GTF2F2: variants seen among roughly 807,000 people sequenced by gnomAD.
GTF2F2 encodes the protein general transcription factor IIF subunit 2, also known as ATP-dependent helicase GTF2F2.
In GTF2F2, 23 loss-of-function variants were observed where a neutral mutation model predicts 42.2. The observed-to-expected ratio is 0.55, with a 90% CI of 0.39 to 0.77. The LOEUF (loss-of-function observed/expected upper bound fraction) is 0.77, where lower values mean the gene tolerates loss of function less well. Ranked by LOEUF, GTF2F2 falls within the 30% of genes least tolerant of loss-of-function variation. The probability of loss-of-function intolerance (pLI) is 0.00; values close to 1 mark genes in which losing one functional copy is unlikely to be tolerated. For missense variants in GTF2F2, 261 were observed against 287.2 expected, an observed-to-expected ratio of 0.91 and a Z score of 0.66; for synonymous variants, 105 against 100.8, an observed-to-expected ratio of 1.04 and a Z score of -0.25.
chr13:45,225,433 A>C (rs764296443), intron 5 of GTF2F2, among the ~76,000 whole-genome samples: 42 of 149,736 alleles, frequency 2.8e-4, no homozygotes, highest in Non-Finnish European at 4.0e-4. Flanking sequence ...CCCTACCAAT[A>C]ATTAATCTTT....
intron 5 of GTF2F2, among the ~76,000 whole-genome samples, chr13:45,241,942 C>G (rs1875334253): frequency 6.6e-6 from 1 of 152,132 alleles, no homozygotes; most frequent in South Asian, 2.1e-4. Context: ...TTAATATTTA[C>G]TATCTGTAAT....
intron 7 of GTF2F2, among the ~76,000 whole-genome samples, chr13:45,269,504 C>T (rs1876700980): frequency 6.6e-6 from 1 of 152,166 alleles, no homozygotes; most frequent in African/African-American, 2.4e-5. Context: ...AGCTCTCCCC[C>T]AAGTAGGCAA....
chr13:45,274,576 A>G (rs1027242344), intron 7 of GTF2F2, among the ~76,000 whole-genome samples: 3 of 151,996 alleles, frequency 2.0e-5, no homozygotes, highest in African/African-American at 7.2e-5. Context: ...TGATCCGCCC[A>G]CCTTGACCAC....
chr13:45,168,611 C>G (rs927351049), intron 4 of GTF2F2, among the ~76,000 whole-genome samples: 2 of 151,978 alleles, frequency 1.3e-5, no homozygotes, highest in African/African-American at 4.8e-5. Context: ...ACTACCTGAA[C>G]TTTATTTATT....
intron 4 of GTF2F2, among the ~76,000 whole-genome samples, chr13:45,160,851 TTGTC>T (rs1317873764): frequency 6.6e-6 from 1 of 152,136 alleles, no homozygotes; most frequent in Non-Finnish European, 1.5e-5. Context: ...TAATTATGCT[TTGTC>T]TGTCAGTCAT....
At chr13:45,237,652 T>C (rs2138228167) in intron 5 of GTF2F2, among the ~76,000 whole-genome samples, 1 of 152,346 alleles carries the variant, frequency 6.6e-6, no homozygotes, top group East Asian at 1.9e-4. Flanking sequence ...CACCTAGGGA[T>C]GGACCTGTAA....
intron 5 of GTF2F2, among the ~76,000 whole-genome samples, chr13:45,227,771 G>A (rs902822152): frequency 6.6e-6 from 1 of 152,186 alleles, no homozygotes; most frequent in Non-Finnish European, 1.5e-5. Context: ...ACACCATGCT[G>A]GTGCTCACTT....
chr13:45,245,898 G>T (rs1422868136), intron 5 of GTF2F2, among the ~76,000 whole-genome samples: 1 of 132,672 alleles, frequency 7.5e-6, no homozygotes, highest in Non-Finnish European at 1.6e-5. Flanking sequence ...CCCAGACTGC[G>T]CCATTGCACT....
At chr13:45,182,665 T>G (rs1010903051) in intron 4 of GTF2F2, among the ~76,000 whole-genome samples, 4 of 152,178 alleles carry the variant, frequency 2.6e-5, no homozygotes, top group African/African-American at 9.7e-5. Context: ...GGTAGTCTAC[T>G]TTTTTCTTAG....
At chr13:45,208,639 C>T (rs1175156871) in intron 5 of GTF2F2, among the ~76,000 whole-genome samples, 2 of 152,156 alleles carry the variant, frequency 1.3e-5, no homozygotes, top group Non-Finnish European at 2.9e-5. Flanking sequence ...TATCAGCATT[C>T]TCATCTACAT....
chr13:45,198,450 A>G (rs1187990963), intron 4 of GTF2F2, among the ~76,000 whole-genome samples: 2 of 152,220 alleles, frequency 1.3e-5, no homozygotes, highest in African/African-American at 2.4e-5. Context: ...TCATTCCTCT[A>G]TAAAATTCAG....
chr13:45,248,007 G>T (rs77740128), intron 5 of GTF2F2, among the ~76,000 whole-genome samples: 4,357 of 151,930 alleles, frequency 0.029, 189 homozygotes, highest in African/African-American at 0.093. Flanking sequence ...ACCACACCTG[G>T]CTAATTTTTG....
chr13:45,208,031 T>C (rs1003919658), intron 5 of GTF2F2, among the ~76,000 whole-genome samples: 2 of 150,776 alleles, frequency 1.3e-5, no homozygotes, highest in Non-Finnish European at 1.5e-5. Context: ...GGCTGAGGTG[T>C]GAGGATTGCT....
chr13:45,124,239 C>T (rs1476983155), intron 1 of GTF2F2: 12 of 292,782 alleles, frequency 4.1e-5, no homozygotes, highest in African/African-American at 1.8e-4. Flanking sequence ...CCTGCTACCA[C>T]GCCCGGCTAA....
rs1871365645 is a variant in GTF2F2 at position 45,167,761 on chromosome 13, C to T, written c.304+15930C>T. Among the ~76,000 whole-genome samples, 3 of 152,026 alleles carry T rather than the reference C, an allele frequency of 2.0e-5. No individual in the cohort carries two copies. The South Asian group carries it at 6.2e-4, about 32-fold the overall frequency. On this transcript the variant is annotated intron_variant, in intron 4 of 7. Transcript: ENST00000340473. ...TTCACCATGTTGGCCAGGCTGGTTT[C>T]AAACTCCTGACCTCAAGTGATCCTC...
intron 3 of GTF2F2, 61 bp from the exon 4 acceptor site, chr13:45,151,626 T>TCA: frequency 9.5e-7 from 1 of 1,057,816 alleles, no homozygotes; most frequent in Non-Finnish European, 1.4e-6. Flanking sequence ...TAACAAAAAT[T>TCA]TATATATATA....
chr13:45,219,507 G>A (rs756991430), intron 5 of GTF2F2: 1 of 152,194 alleles, frequency 6.6e-6, no homozygotes, highest in South Asian at 2.1e-4. Flanking sequence ...ATGTAAAATG[G>A]TCTCATTCTT....
At chr13:45,228,994 G>A (rs1874528437) in intron 5 of GTF2F2, among the ~76,000 whole-genome samples, 1 of 151,956 alleles carries the variant, frequency 6.6e-6, no homozygotes, top group African/African-American at 2.4e-5. Flanking sequence ...AATGAACCCT[G>A]CCTCAGCCTC....
At chr13:45,278,816 CT>C (rs1157972776) in intron 7 of GTF2F2, among the ~76,000 whole-genome samples, 1,200 of 62,298 alleles carry the variant, frequency 0.019, 1 homozygote, top group African/African-American at 0.06. Flanking sequence ...TTTTCTTTTT[CT>C]TTTTTTTTTT....
Sources: allele counts gnomAD v4.1 joint callset (sites outside exome capture counted in the v4.1 genomes callset), GRCh38; gene constraint gnomAD v4.1.1; transcripts MANE v1.5; gene names NCBI Gene and HGNC (gene_info 2026-07-23, HGNC 2026-07-21).